The following ITCH variants were observed in gnomAD, a reference collection of about 807,000 sequenced individuals.
ITCH encodes the protein E3 ubiquitin-protein ligase Itchy homolog.
ITCH carries 28 observed loss-of-function variants against 126.8 expected under a neutral mutation model. The observed-to-expected ratio is 0.22, with a 90% confidence interval of 0.16 to 0.30. The LOEUF is 0.30. Ranked by LOEUF, ITCH falls within the 10% of genes least tolerant of loss-of-function variation. ITCH has a pLI of 1.00. For missense variants in ITCH, 631 were observed against 1,032.4 expected (o/e 0.61, Z 5.33); for synonymous variants, 342 against 340.0 (o/e 1.01, Z -0.06).
chr20:34,472,576 A>G (rs1485728310), intron 16 of ITCH, among the ~76,000 whole-genome samples: 2 of 152,228 alleles, frequency 1.3e-5, no homozygotes, highest in African/African-American at 2.4e-5. Context: ...ATTATTTTCA[A>G]GCACCAGTGG....
intron 2 of ITCH, among the ~76,000 whole-genome samples, chr20:34,378,276 G>A (rs556013585): frequency 6.6e-6 from 1 of 152,016 alleles, no homozygotes; most frequent in South Asian, 2.1e-4. Flanking sequence ...TTCGAGAGCA[G>A]CCTGGCCAAC....
chr20:34,451,659 T>G (rs1985261789), intron 12 of ITCH, among the ~76,000 whole-genome samples: 1 of 152,166 alleles, frequency 6.6e-6, no homozygotes, highest in Non-Finnish European at 1.5e-5. Flanking sequence ...CATGGATGGT[T>G]TTATTTCTAG....
intron 6 of ITCH, among the ~76,000 whole-genome samples, chr20:34,418,306 A>G (rs1980237203): frequency 6.6e-6 from 1 of 152,070 alleles, no homozygotes; most frequent in Non-Finnish European, 1.5e-5. Flanking sequence ...ATAGTCTTGT[A>G]GAGATCTTTA....
chr20:34,387,251 G>C (rs1380829117), intron 2 of ITCH, among the ~76,000 whole-genome samples: 1 of 151,694 alleles, frequency 6.6e-6, no homozygotes, highest in Admixed American at 6.6e-5. Context: ...TGCAGCGAGG[G>C]GAGATTGCGC....
intron 23 of ITCH, among the ~76,000 whole-genome samples, chr20:34,497,533 A>T (rs192228129): frequency 6.6e-6 from 1 of 152,002 alleles, no homozygotes; most frequent in East Asian, 1.9e-4. Flanking sequence ...GAGTTTTAGG[A>T]TTGTTTTTTC....
intron 15 of ITCH, 54 bp downstream of exon 15, chr20:34,470,174 T>C: frequency 7.9e-7 from 1 of 1,260,732 alleles, no homozygotes; most frequent in Non-Finnish European, 1.2e-6. Flanking sequence ...TGTTGCTTTA[T>C]ATTACACAGT....
chr20:34,507,287 TTTGG>T (rs1440241406), intron 24 of ITCH, among the ~76,000 whole-genome samples: 8 of 104,496 alleles, frequency 7.7e-5, no homozygotes, highest in African/African-American at 2.6e-4. Flanking sequence ...TTTTTTTTTT[TTTGG>T]TTGTTGTTGT....
chr20:34,392,764 T>A (rs1253888507), intron 2 of ITCH, among the ~76,000 whole-genome samples: 2 of 152,072 alleles, frequency 1.3e-5, no homozygotes, highest in African/African-American at 4.8e-5. Flanking sequence ...CAGGCTGGAG[T>A]ACAGTGGTGT....
chr20:34,507,216 C>T (rs1216232680), intron 24 of ITCH, among the ~76,000 whole-genome samples: 1 of 150,274 alleles, frequency 6.7e-6, no homozygotes, highest in Non-Finnish European at 1.5e-5. Context: ...CAGAGGGGCT[C>T]CAATTTCTCC....
chr20:34,506,206 G>A (rs1990611394), intron 24 of ITCH, among the ~76,000 whole-genome samples: 1 of 152,132 alleles, frequency 6.6e-6, no homozygotes, highest in Admixed American at 6.5e-5. Context: ...TGGGACGACA[G>A]GCATGTGCTA....
In ITCH at chr20:34,461,946, T is replaced by A. The variant is rs956943661; in HGVS notation, c.1296-147T>A. The A allele has an allele frequency of 5.6e-6, 4 of 718,022 alleles. No individual in the cohort carries two copies. In the Admixed American group the frequency reaches 9.9e-5, roughly 18 times the overall value. The allele number at this position is 718,022 out of a possible 1,614,324, so 44.5% of individuals were successfully genotyped here. On this transcript the variant is annotated intron_variant, in intron 13 of 24. Transcript: ENST00000374864. ...TTAACCTGTTTGTAGGATGTCCACA[T>A]AGAGATGTCTAGTATACAACTGAAT...
At chr20:34,481,330 T>G (rs995560237) in intron 20 of ITCH, 124 bp downstream of exon 20, 2 of 1,047,492 alleles carry the variant, frequency 1.9e-6, no homozygotes, top group Non-Finnish European at 2.8e-6. Flanking sequence ...CAATATCCTA[T>G]GTAGGCAGTC....
chr20:34,472,589 T>C (rs1987752714), intron 16 of ITCH, among the ~76,000 whole-genome samples: 1 of 152,200 alleles, frequency 6.6e-6, no homozygotes, highest in Non-Finnish European at 1.5e-5. Flanking sequence ...ACCAGTGGTA[T>C]TGTAGCAACT....
rs578126090 is a variant in ITCH, at chr20:34,479,910, TA to T, written c.1818+122del. On this transcript the variant is annotated intron_variant, in intron 18 of 24. Coordinates refer to ENST00000374864, the MANE Select transcript of ITCH (RefSeq NM_031483.7). ...TGGTTTTTTGTTTTGTTTTGTTTTT[TA>T]TTTTTGAGACAGAGTCTTGCTCTGT... 454 of 929,314 alleles carry T rather than the reference TA, an allele frequency of 4.9e-4. 1 individual carries two copies. The African/African-American group carries it at 6.3e-3, about 13-fold the overall frequency. 57.6% of individuals were successfully genotyped at this position (929,314 alleles called of 1,614,324 possible). A position where few individuals can be genotyped will look rare whatever the true frequency, so the allele number is the denominator to read the frequency against.
At chr20:34,414,457 CTTTTTTTTTTTTTTTT>C (rs770240058) in intron 6 of ITCH, among the ~76,000 whole-genome samples, 3 of 70,826 alleles carry the variant, frequency 4.2e-5, no homozygotes, top group Non-Finnish European at 7.7e-5. Context: ...ACTTTAAATC[CTTTTTTTTTTTTTTTT>C]TTTTTTTTTT....
chr20:34,416,107 G>A (rs578205021), intron 6 of ITCH, among the ~76,000 whole-genome samples: 16 of 144,126 alleles, frequency 1.1e-4, no homozygotes, highest in African/African-American at 3.6e-4. Context: ...GGGTGACAGA[G>A]CGAGACTCTG....
intron 4 of ITCH, among the ~76,000 whole-genome samples, chr20:34,409,931 G>A (rs2146152910): frequency 6.6e-6 from 1 of 152,096 alleles, no homozygotes; most frequent in Admixed American, 6.5e-5. Context: ...TTGGGAGACT[G>A]AGCCAGGAGG....
chr20:34,441,973 A>T, intron 9 of ITCH: 1 of 516,242 alleles, frequency 1.9e-6, no homozygotes, highest in Non-Finnish European at 3.5e-6. Context: ...CTTCAGGAAT[A>T]TGTTTTCTCC....
intron 2 of ITCH, among the ~76,000 whole-genome samples, chr20:34,377,429 T>C (rs749582188): frequency 5.9e-5 from 9 of 151,456 alleles, no homozygotes; most frequent in Admixed American, 4.0e-4. Context: ...TTGTTTGGGG[T>C]TTTTGGTTAT....
Sources: allele counts gnomAD v4.1 joint callset (sites outside exome capture counted in the v4.1 genomes callset), GRCh38; gene constraint gnomAD v4.1.1; transcripts MANE v1.5; gene names NCBI Gene and HGNC (gene_info 2026-07-23, HGNC 2026-07-21).